The following SLC1A1 variants were observed in gnomAD, a reference collection of about 807,000 sequenced individuals.
SLC1A1 encodes solute carrier family 1 member 1.
SLC1A1 carries 43 observed loss-of-function variants against 53.3 expected under a neutral mutation model. That is an observed-to-expected ratio of 0.81 (90% CI 0.63 to 1.04). SLC1A1 has a LOEUF of 1.04. Among genes scored for constraint, SLC1A1 ranks in the 50% least tolerant of loss-of-function variants. The pLI is 0.00. For missense variants in SLC1A1, 748 were observed against 664.9 expected (o/e 1.12, Z -1.37); for synonymous variants, 307 against 243.2 (o/e 1.26, Z -2.44).
intron 2 of SLC1A1, among the ~76,000 whole-genome samples, chr9:4,558,169 G>C (rs1019715582): frequency 5.3e-5 from 8 of 152,112 alleles, no homozygotes; most frequent in African/African-American, 1.7e-4. Context: ...TATTTATAGA[G>C]GTTTTCAAAG....
chr9:4,533,124 G>C (rs1377424358), intron 1 of SLC1A1, among the ~76,000 whole-genome samples: 1 of 152,156 alleles, frequency 6.6e-6, no homozygotes, highest in Non-Finnish European at 1.5e-5. Context: ...AAATTGTAAA[G>C]ACCAGAGAGG....
At chr9:4,498,060 T>C (rs1820499814) in intron 1 of SLC1A1, among the ~76,000 whole-genome samples, 1 of 152,244 alleles carries the variant, frequency 6.6e-6, no homozygotes, top group African/African-American at 2.4e-5. Flanking sequence ...GAGTAATTGT[T>C]GACTTGGGTT....
intron 9 of SLC1A1, 24 bp from the exon 10 acceptor site, chr9:4,576,545 T>C (rs779000661): frequency 6.2e-7 from 1 of 1,603,808 alleles, no homozygotes; most frequent in South Asian, 1.1e-5. Context: ...TAGACATAAG[T>C]TCCTTTCTAT....
intron 1 of SLC1A1, among the ~76,000 whole-genome samples, chr9:4,516,410 G>A (rs926008597): frequency 1.3e-5 from 2 of 152,148 alleles, no homozygotes; most frequent in Admixed American, 1.3e-4. Context: ...TTCTCTCTGG[G>A]AAACAAGATG....
intron 10 of SLC1A1, among the ~76,000 whole-genome samples, chr9:4,582,400 G>C (rs1235285690): frequency 1.3e-5 from 2 of 152,184 alleles, no homozygotes; most frequent in Non-Finnish European, 2.9e-5. Context: ...TCTCAATTCA[G>C]TGCCCTGAAG....
chr9:4,538,009 A>T (rs1054159428), intron 1 of SLC1A1, among the ~76,000 whole-genome samples: 29 of 152,220 alleles, frequency 1.9e-4, no homozygotes, highest in Non-Finnish European at 3.1e-4. Context: ...ATTGTAAATA[A>T]TTTTTTAAAT....
intron 1 of SLC1A1, among the ~76,000 whole-genome samples, chr9:4,543,122 G>A (rs983087041): frequency 1.3e-5 from 2 of 152,178 alleles, no homozygotes; most frequent in African/African-American, 2.4e-5. Flanking sequence ...GCATGGGAAG[G>A]ATGCCTGAAT....
Position 4,576,078 on chromosome 9 carries a change from T to A in SLC1A1, c.953T>A (p.Met318Lys), listed in dbSNP as rs764977229. Residue 318 changes from methionine (M) to lysine (K), a missense_variant, in exon 9 of 12, where the codon ATG becomes AAG. Met to Lys is a moderately conservative substitution (Grantham distance 95, BLOSUM62 -1). Coordinates refer to ENST00000262352, the MANE Select transcript of SLC1A1 (RefSeq NM_004170.6). ...CGAAAGAACCCTTTCCGATTTGCCA[T>A]GGGAATGGCCCAGGCTCTCCTGACA... ...VVRKNPFRFAMGMAQALLTAL... is the reference protein window; with the variant it reads ...VVRKNPFRFAKGMAQALLTAL... 1.9e-6 allele frequency: 3 copies of A among 1,613,926 alleles called. No individual in the cohort carries two copies. Among genetic ancestry groups the A allele is most frequent in the South Asian group, 1.1e-5 (1 of 91,078 alleles).
At chr9:4,551,671 G>A (rs759565619) in intron 2 of SLC1A1, among the ~76,000 whole-genome samples, 19 of 152,200 alleles carry the variant, frequency 1.2e-4, no homozygotes, top group Non-Finnish European at 7.3e-5. Context: ...ATTCAAGGTG[G>A]TTTATAAACT....
Position 4,576,072 on chromosome 9 carries a change from T to C in SLC1A1, c.947T>C (p.Phe316Ser), listed in dbSNP as rs753435207. The change falls in exon 9 of 12, where the codon TTT becomes TCT. Residue 316 changes from phenylalanine (F) to serine (S), a missense_variant. By Grantham distance (155) the Phe-to-Ser change is radical. Coordinates refer to ENST00000262352, the MANE Select transcript of SLC1A1 (RefSeq NM_004170.6). ...GTCGTACGAAAGAACCCTTTCCGAT[T>C]TGCCATGGGAATGGCCCAGGCTCTC... ...FIVVRKNPFR[F>S]AMGMAQALLT... is the part of the protein sequence containing the mutation. The C allele has an allele frequency of 6.2e-7, 1 of 1,613,786 alleles. No homozygotes were observed. The highest frequency in any genetic ancestry group is 2.2e-5 in the East Asian group (1 of 44,886).
chr9:4,538,830 G>C (rs1326078991), intron 1 of SLC1A1, among the ~76,000 whole-genome samples: 1 of 152,178 alleles, frequency 6.6e-6, no homozygotes, highest in Non-Finnish European at 1.5e-5. Flanking sequence ...GGGCAGGATG[G>C]AGAAACTATC....
At chr9:4,537,731 A>G (rs1385795741) in intron 1 of SLC1A1, among the ~76,000 whole-genome samples, 1 of 152,170 alleles carries the variant, frequency 6.6e-6, no homozygotes, top group Admixed American at 6.5e-5. Context: ...AAATCCATAG[A>G]GACAGAAAAG....
intron 1 of SLC1A1, among the ~76,000 whole-genome samples, chr9:4,502,398 A>T (rs1820666967): frequency 6.7e-6 from 1 of 149,796 alleles, no homozygotes; most frequent in Non-Finnish European, 1.5e-5. Context: ...AGAAAAAAAA[A>T]AAAAAAAAAA....
In SLC1A1 at chr9:4,561,470, A is replaced by G; in HGVS notation, c.254A>G (p.Asn85Ser). 6.2e-7 allele frequency: 1 copy of G among 1,608,246 alleles called. No homozygotes were observed. The highest frequency in any genetic ancestry group is 8.5e-7 in the Non-Finnish European group (1 of 1,174,688). ...TCAGGTGTTGCTGCACTGGATTCCA[A>G]CGTATCCGGAAAAATTGGTCTGCGC... ...MITGVAALDSNVSGKIGLRAV... is the reference protein window; with the variant it reads ...MITGVAALDSSVSGKIGLRAV... The change falls in exon 3 of 12, where the codon AAC becomes AGC. Residue 85 changes from asparagine to serine, a missense_variant. Physicochemically the swap from Asn to Ser is conservative, Grantham distance 46. Coordinates refer to ENST00000262352, the MANE Select transcript of SLC1A1 (RefSeq NM_004170.6).
At chr9:4,509,144 G>A (rs190406896) in intron 1 of SLC1A1, among the ~76,000 whole-genome samples, 41 of 152,152 alleles carry the variant, frequency 2.7e-4, no homozygotes, top group African/African-American at 6.7e-4. Context: ...AAGGGAGGGC[G>A]ATCTGTGTGA....
chr9:4,569,383 G>A (rs1252229729), intron 6 of SLC1A1, among the ~76,000 whole-genome samples: 1 of 152,194 alleles, frequency 6.6e-6, no homozygotes, highest in Non-Finnish European at 1.5e-5. Flanking sequence ...GGAGAGAAAT[G>A]GACCCTTAGT....
intron 1 of SLC1A1, among the ~76,000 whole-genome samples, chr9:4,523,352 CTT>C (rs554001010): frequency 1.3e-5 from 2 of 148,200 alleles, no homozygotes; most frequent in Admixed American, 6.7e-5. Flanking sequence ...AATGCCTTTT[CTT>C]TTTTTTTTTC....
chr9:4,500,512 T>C (rs1820596779), intron 1 of SLC1A1, among the ~76,000 whole-genome samples: 1 of 152,184 alleles, frequency 6.6e-6, no homozygotes, highest in African/African-American at 2.4e-5. Context: ...GGTTTCACCA[T>C]GCTGGCCAAG....
At chr9:4,491,161 C>T (rs537946630) in intron 1 of SLC1A1, among the ~76,000 whole-genome samples, 3 of 152,356 alleles carry the variant, frequency 2.0e-5, no homozygotes, top group Admixed American at 6.5e-5. Context: ...CCCCACACCC[C>T]CAGCCTCGCT....
Sources: allele counts gnomAD v4.1 joint callset (sites outside exome capture counted in the v4.1 genomes callset), GRCh38; gene constraint gnomAD v4.1.1; transcripts MANE v1.5; gene names NCBI Gene and HGNC (gene_info 2026-07-23, HGNC 2026-07-21).